SMAD2: variants seen among roughly 807,000 people sequenced by gnomAD.
The protein encoded by SMAD2 is MAD homolog 2.
SMAD2 carries 8 observed loss-of-function variants against 64.4 expected under a neutral mutation model. That is an observed-to-expected ratio of 0.12 (90% CI 0.07 to 0.22). The LOEUF is 0.22. SMAD2 is among the 10% of genes least tolerant of loss of function. SMAD2 has a pLI of 1.00. For synonymous variants in SMAD2, 203 were observed against 195.8 expected (o/e 1.04, Z -0.31); for missense variants, 289 against 561.2 (o/e 0.51, Z 4.90).
intron 2 of SMAD2, among the ~76,000 whole-genome samples, chr18:47,880,651 T>C (rs1004971058): frequency 3.3e-4 from 50 of 152,326 alleles, no homozygotes; most frequent in Admixed American, 3.0e-3. Context: ...CTCCTCATTA[T>C]AAAGGGTCAC....
chr18:47,867,002 T>C (rs1057428766), intron 5 of SMAD2: 1 of 152,220 alleles, frequency 6.6e-6, no homozygotes, highest in Admixed American at 6.5e-5. Flanking sequence ...AGGTTAGTAT[T>C]GCTGGCTGAA....
At chr18:47,899,399 GAA>G (rs34550302) in intron 1 of SMAD2, among the ~76,000 whole-genome samples, 1 of 151,164 alleles carries the variant, frequency 6.6e-6, no homozygotes, top group Non-Finnish European at 1.5e-5. Context: ...CAAGTTCAGT[GAA>G]AAAAAAATTC....
intron 6 of SMAD2, among the ~76,000 whole-genome samples, chr18:47,857,059 G>A (rs1009539281): frequency 1.1e-4 from 17 of 151,758 alleles, no homozygotes; most frequent in Admixed American, 4.6e-4. Context: ...GGGTTTCACC[G>A]TTTTAGCCGG....
intron 1 of SMAD2, among the ~76,000 whole-genome samples, chr18:47,921,594 C>G (rs2034562579): frequency 6.6e-6 from 1 of 152,194 alleles, no homozygotes; most frequent in Non-Finnish European, 1.5e-5. Context: ...TCTGAGGCTT[C>G]TTTCTCCAAG....
At chr18:47,871,880 T>G (rs2144389305) in intron 2 of SMAD2, among the ~76,000 whole-genome samples, 1 of 97,172 alleles carries the variant, frequency 1.0e-5, no homozygotes, top group East Asian at 6.6e-4. Flanking sequence ...TTCTACAGAC[T>G]TCTGAGTCTA....
chr18:47,850,254 AT>A (rs1338356032), intron 7 of SMAD2, among the ~76,000 whole-genome samples: 1 of 82,488 alleles, frequency 1.2e-5, no homozygotes, highest in African/African-American at 5.6e-5. Context: ...TATTATATAT[AT>A]TATGTATAAT....
intron 2 of SMAD2, among the ~76,000 whole-genome samples, chr18:47,887,885 G>A (rs1238568698): frequency 2.0e-5 from 3 of 152,074 alleles, no homozygotes; most frequent in African/African-American, 7.2e-5. Flanking sequence ...TACTACTCTC[G>A]CCAAAAATCT....
At chr18:47,925,899 T>C (rs1176589736) in intron 1 of SMAD2, among the ~76,000 whole-genome samples, 1 of 152,144 alleles carries the variant, frequency 6.6e-6, no homozygotes, top group Non-Finnish European at 1.5e-5. Context: ...CAAGAAACCC[T>C]CAACAGAGAG....
chr18:47,902,427 A>G (rs978914350), intron 1 of SMAD2, among the ~76,000 whole-genome samples: 3 of 152,230 alleles, frequency 2.0e-5, no homozygotes, highest in Admixed American at 2.0e-4. Context: ...AGTCTTCCAC[A>G]ACTATAAATC....
rs1335470282 is a variant in SMAD2, at chr18:47,869,379, A to G, written c.384T>C (p.Tyr128=). The G allele has an allele frequency of 2.5e-6, 4 of 1,613,670 alleles. No homozygotes were observed. Among genetic ancestry groups the G allele is most frequent in the Non-Finnish European group, 3.4e-6 (4 of 1,179,862 alleles). Reference sequence around the variant, plus strand: ...GATCAGGCCAGCGCCATAATCGGCAATATATAACATGTGGCAATCCTTTTC... The same window carrying G: ...GATCAGGCCAGCGCCATAATCGGCAGTATATAACATGTGGCAATCCTTTTC... ...SHRKGLPHVI[Y]CRLWRWPDLH... The change falls in exon 4 of 11, where the codon TAT becomes TAC. Residue 128 remains tyrosine (Y), a synonymous_variant. Coordinates refer to ENST00000262160, the MANE Select transcript of SMAD2 (RefSeq NM_005901.6).
At chr18:47,901,277 C>T (rs1441618214) in intron 1 of SMAD2, among the ~76,000 whole-genome samples, 1 of 152,116 alleles carries the variant, frequency 6.6e-6, no homozygotes, top group Non-Finnish European at 1.5e-5. Context: ...TTTTCTACTA[C>T]TGTTTATTGT....
At chr18:47,905,949 T>TA (rs1057066331) in intron 1 of SMAD2, among the ~76,000 whole-genome samples, 2 of 151,630 alleles carry the variant, frequency 1.3e-5, no homozygotes, top group African/African-American at 4.8e-5. Flanking sequence ...CCATCTCTAC[T>TA]AAAAAACAAA....
Position 47,834,925 on chromosome 18 carries a change from G to A in SMAD2, c.*6902C>T, listed in dbSNP as rs1449821336. ...CTGCCAGCTGGAGACACAGCCCTCC[G>A]ATTACAAAGGCCCAGAATGTTACTT... On this transcript the variant is annotated 3_prime_UTR_variant, in exon 11 of 11. Transcript: ENST00000262160. The A allele has an allele frequency of 1.3e-5, 3 of 222,634 alleles. No individual in the cohort carries two copies. Among genetic ancestry groups the A allele is most frequent in the Non-Finnish European group, 2.7e-5 (3 of 111,418 alleles). 13.8% of individuals were successfully genotyped at this position (222,634 alleles called of 1,614,324 possible).
Position 47,834,973 on chromosome 18 carries a change from T to C in SMAD2, c.*6854A>G. On this transcript the variant is annotated 3_prime_UTR_variant, in exon 11 of 11. Transcript: ENST00000262160. ...CTTTTAACTGTGCTCCACCAGGAGG[T>C]CTGGCCTTGGGAAAAGATGGCGAAA... 4.5e-6 allele frequency: 1 copy of C among 223,220 alleles called. No individual in the cohort carries two copies. Among genetic ancestry groups the C allele is most frequent in the Non-Finnish European group, 9.0e-6 (1 of 111,678 alleles). 13.8% of individuals were successfully genotyped at this position (223,220 alleles called of 1,614,324 possible).
chr18:47,858,185 T>G (rs1460086197), intron 6 of SMAD2, among the ~76,000 whole-genome samples: 1 of 152,060 alleles, frequency 6.6e-6, no homozygotes, highest in African/African-American at 2.4e-5. Flanking sequence ...AATCAAGAGA[T>G]AAAACAGTCA....
At position 47,846,694 on chromosome 18, in the gene SMAD2, G is replaced by T. The variant is rs115173432; in HGVS notation, c.998-894C>A. Among the ~76,000 whole-genome samples, 279 of 152,262 alleles carry T rather than the reference G, an allele frequency of 1.8e-3. 2 individuals are homozygous for T. Among genetic ancestry groups the T allele is most frequent in the African/African-American group, 6.2e-3 (257 of 41,560 alleles). On this transcript the variant is annotated intron_variant, in intron 8 of 10. Transcript: ENST00000262160. The stretch of plus-strand genomic sequence containing the variant: ...AGGAGCTGAATTCTGCCACAACCAT[G>T]TGGGTTTAGAAGAGGACCTCAAGCT...
At chr18:47,916,773 A>G (rs898457872) in intron 1 of SMAD2, among the ~76,000 whole-genome samples, 3 of 152,208 alleles carry the variant, frequency 2.0e-5, no homozygotes, top group Non-Finnish European at 2.9e-5. Flanking sequence ...CAACTTGGTA[A>G]TTTGTTTTGC....
intron 4 of SMAD2, among the ~76,000 whole-genome samples, 162 bp from the exon 5 acceptor site, chr18:47,868,619 T>C (rs1263460134): frequency 6.6e-6 from 1 of 152,158 alleles, no homozygotes; most frequent in East Asian, 1.9e-4. Flanking sequence ...CAAATCTGAT[T>C]ATGGCTCTAA....
chr18:47,831,952 G>A lies in SMAD2; in HGVS notation c.*9875C>T, dbSNP rs76235015. ...ATGAGAAGGGTGAATCTGTCAAAGGGTAAGCTGGATAACTGTATGTTGCAA... is the reference window on the plus strand; with the variant it reads ...ATGAGAAGGGTGAATCTGTCAAAGGATAAGCTGGATAACTGTATGTTGCAA... On this transcript the variant is annotated 3_prime_UTR_variant, in exon 11 of 11. Transcript: ENST00000262160. 1.3e-5 allele frequency: 2 copies of A among 152,088 alleles called. No individual in the cohort carries two copies. The highest frequency in any genetic ancestry group is 6.5e-5 in the Admixed American group (1 of 15,272). 9.4% of individuals were successfully genotyped at this position (152,088 alleles called of 1,614,324 possible).
Sources: allele counts gnomAD v4.1 joint callset (sites outside exome capture counted in the v4.1 genomes callset), GRCh38; gene constraint gnomAD v4.1.1; transcripts MANE v1.5; gene names NCBI Gene and HGNC (gene_info 2026-07-23, HGNC 2026-07-21).